GPC5: variants seen among roughly 807,000 people sequenced by gnomAD.
GPC5 encodes glypican-5.
Under a neutral mutation model 53.9 loss-of-function variants are expected in GPC5, and 47 were observed. The ratio of observed to expected loss-of-function variants is 0.87; its 90% CI spans 0.69 to 1.11. The LOEUF is 1.11. Among genes scored for constraint, GPC5 ranks in the 50% most tolerant of loss-of-function variants. The pLI is 0.00. For missense variants in GPC5, 748 were observed against 713.1 expected (o/e 1.05, Z -0.56); for synonymous variants, 286 against 263.3 (o/e 1.09, Z -0.84).
At position 92,321,364 on chromosome 13, in the gene GPC5, CG is replaced by C. The variant is rs575744237; in HGVS notation, c.1561+176378del. Among the ~76,000 whole-genome samples the C allele has an allele frequency of 9.8e-5, 15 of 152,296 alleles. No homozygotes were observed. The South Asian group carries it at 2.9e-3, about 29-fold the overall frequency. ...ATCCCAACACTTGGGGAAGCCAAGG[CG>C]GGTGGATCACGAGGTCAGGAGAGCA... is the stretch of plus-strand genomic sequence containing the variant. On this transcript the variant is annotated intron_variant, in intron 7 of 7. Transcript: ENST00000377067.
At chr13:92,864,056 A>G (rs1166765581) in intron 7 of GPC5, among the ~76,000 whole-genome samples, 1 of 152,068 alleles carries the variant, frequency 6.6e-6, no homozygotes, top group Non-Finnish European at 1.5e-5. Context: ...ATAATTTATA[A>G]GCTTGGTTAA....
chr13:92,703,442 C>G (rs1433733956), intron 7 of GPC5, among the ~76,000 whole-genome samples: 1 of 151,468 alleles, frequency 6.6e-6, no homozygotes, highest in African/African-American at 2.4e-5. Context: ...TCTGGAAAAG[C>G]AATATTATAT....
chr13:91,706,910 T>C (rs2036118055), intron 3 of GPC5, among the ~76,000 whole-genome samples: 2 of 152,068 alleles, frequency 1.3e-5, no homozygotes, highest in South Asian at 4.2e-4. Context: ...AATATACATG[T>C]AACAATAAAT....
At chr13:92,106,575 G>T (rs1197144300) in intron 6 of GPC5, among the ~76,000 whole-genome samples, 1 of 151,952 alleles carries the variant, frequency 6.6e-6, no homozygotes, top group African/African-American at 2.4e-5. Flanking sequence ...TACCTTATAG[G>T]CTGAGGAAAA....
intron 2 of GPC5, among the ~76,000 whole-genome samples, chr13:91,689,823 C>G (rs1300774268): frequency 1.3e-5 from 2 of 152,092 alleles, no homozygotes; most frequent in East Asian, 3.9e-4. Flanking sequence ...TGGAAGAACT[C>G]ACTTAGGTGG....
intron 7 of GPC5, among the ~76,000 whole-genome samples, chr13:92,185,865 T>C (rs1294627590): frequency 6.6e-6 from 1 of 152,144 alleles, no homozygotes; most frequent in Non-Finnish European, 1.5e-5. Context: ...TGGGAAAGAA[T>C]AGATAAAGCA....
At chr13:92,112,114 T>C (rs187414625) in intron 6 of GPC5, among the ~76,000 whole-genome samples, 5 of 152,266 alleles carry the variant, frequency 3.3e-5, no homozygotes, top group Admixed American at 3.3e-4. Flanking sequence ...ACAAAGAGTT[T>C]GAGTGGAAGG....
In GPC5 at chr13:91,465,472, T is replaced by C. The variant is rs577380849; in HGVS notation, c.325+16550T>C. Among the ~76,000 whole-genome samples the C allele has an allele frequency of 2.5e-3, 382 of 152,262 alleles. 1 individual carries two copies. Among genetic ancestry groups the C allele is most frequent in the African/African-American group, 8.5e-3 (354 of 41,570 alleles). The stretch of plus-strand genomic sequence containing the variant: ...CTTAAGTACTACAGTTTTTTTTTCA[T>C]CTAATCGCAAATTGGAGGTGCTGCA... On this transcript the variant is annotated intron_variant, in intron 2 of 7. Transcript: ENST00000377067.
chr13:92,613,512 A>AT (rs71123418), intron 7 of GPC5, among the ~76,000 whole-genome samples: 20,281 of 76,880 alleles, frequency 0.26, 3,552 homozygotes, highest in East Asian at 0.6. Context: ...TTATATATAA[A>AT]ATATAATATA....
intron 2 of GPC5, among the ~76,000 whole-genome samples, chr13:91,662,363 A>T (rs1397343310): frequency 1.3e-5 from 2 of 152,224 alleles, no homozygotes; most frequent in African/African-American, 4.8e-5. Context: ...TTGGCAATCA[A>T]ATGGAAGTCA....
At chr13:92,046,974 T>C (rs1204777227) in intron 6 of GPC5, among the ~76,000 whole-genome samples, 2 of 152,250 alleles carry the variant, frequency 1.3e-5, no homozygotes, top group African/African-American at 4.8e-5. Flanking sequence ...TTTTGGGGTC[T>C]ATTCTTGCCT....
At chr13:91,733,245 T>C (rs1007833093) in intron 4 of GPC5, among the ~76,000 whole-genome samples, 1 of 152,134 alleles carries the variant, frequency 6.6e-6, no homozygotes, top group African/African-American at 2.4e-5. Context: ...CAAGCAATTC[T>C]CCTGCCTCAG....
chr13:92,052,582 G>A (rs1221181505), intron 6 of GPC5, among the ~76,000 whole-genome samples: 1 of 152,072 alleles, frequency 6.6e-6, no homozygotes, highest in Admixed American at 6.6e-5. Context: ...CCTTTAGCTA[G>A]GCACAGAGTG....
At chr13:92,559,606 G>C (rs1289695702) in intron 7 of GPC5, among the ~76,000 whole-genome samples, 2 of 151,564 alleles carry the variant, frequency 1.3e-5, no homozygotes, top group Admixed American at 6.6e-5. Flanking sequence ...CCCAGGGCCA[G>C]ATACCAGGTG....
At chr13:92,160,980 G>T (rs1333902946) in intron 7 of GPC5, among the ~76,000 whole-genome samples, 3 of 151,240 alleles carry the variant, frequency 2.0e-5, no homozygotes, top group African/African-American at 7.3e-5. Flanking sequence ...GTAAAGTATG[G>T]TTCTATTTCT....
At chr13:92,408,629 G>GAA (rs1314321864) in intron 7 of GPC5, among the ~76,000 whole-genome samples, 102 of 148,104 alleles carry the variant, frequency 6.9e-4, no homozygotes, top group Non-Finnish European at 6.1e-4. Flanking sequence ...TATATATATA[G>GAA]ACACACACAC....
chr13:91,532,284 G>C (rs1199323164), intron 2 of GPC5, among the ~76,000 whole-genome samples: 1 of 152,150 alleles, frequency 6.6e-6, no homozygotes, highest in East Asian at 1.9e-4. Flanking sequence ...ATGCAGGAAG[G>C]TGCTCCCAGA....
intron 7 of GPC5, among the ~76,000 whole-genome samples, chr13:92,625,407 T>C (rs1431233165): frequency 6.6e-6 from 1 of 152,180 alleles, no homozygotes; most frequent in Non-Finnish European, 1.5e-5. Flanking sequence ...AACATCTGAG[T>C]TGAAAACTGA....
chr13:92,420,717 T>A (rs1277027297), intron 7 of GPC5, among the ~76,000 whole-genome samples: 2 of 152,170 alleles, frequency 1.3e-5, no homozygotes, highest in African/African-American at 4.8e-5. Flanking sequence ...GATTTTTAGA[T>A]CCCACAAATA....
Sources: allele counts gnomAD v4.1 joint callset (sites outside exome capture counted in the v4.1 genomes callset), GRCh38; gene constraint gnomAD v4.1.1; transcripts MANE v1.5; gene names NCBI Gene and HGNC (gene_info 2026-07-23, HGNC 2026-07-21).